Variants in KAZN observed in about 807,000 individuals in gnomAD.
The protein encoded by KAZN is kazrin.
Under a neutral mutation model 87.4 loss-of-function variants are expected in KAZN, and 40 were observed. That is an observed-to-expected ratio of 0.46 (90% confidence interval 0.36 to 0.60). The LOEUF (loss-of-function observed/expected upper bound fraction) is 0.60, where lower values mean the gene tolerates loss of function less well. Among genes scored for constraint, KAZN ranks in the 20% least tolerant of loss-of-function variants. The probability of loss-of-function intolerance (pLI) is 0.00; values close to 1 mark genes in which losing one functional copy is unlikely to be tolerated. For synonymous variants in KAZN, 466 were observed against 458.3 expected (o/e 1.02, Z -0.22); for missense variants, 898 against 1,073.9 (o/e 0.84, Z 2.29).
intron 1 of KAZN, among the ~76,000 whole-genome samples, chr1:14,079,711 C>T (rs1643599084): frequency 6.6e-6 from 1 of 152,188 alleles, no homozygotes; most frequent in Non-Finnish European, 1.5e-5. Context: ...TGGGTAAATG[C>T]TGGGTACAGC....
At chr1:14,588,547 T>G (rs1322753291) in intron 2 of KAZN, among the ~76,000 whole-genome samples, 2 of 152,220 alleles carry the variant, frequency 1.3e-5, no homozygotes, top group Non-Finnish European at 2.9e-5. Context: ...GTGCCAGAGC[T>G]CCATCCTCTG....
chr1:14,449,017 T>G (rs545050319), intron 2 of KAZN, among the ~76,000 whole-genome samples: 1 of 152,336 alleles, frequency 6.6e-6, no homozygotes, highest in South Asian at 2.1e-4. Context: ...TGATCTGCAT[T>G]GAAGACTTCT....
chr1:15,095,031 C>T, intron 10 of KAZN, 98 bp downstream of exon 10: 1 of 816,464 alleles, frequency 1.2e-6, no homozygotes, highest in Non-Finnish European at 2.0e-6. Flanking sequence ...TGGGCTGAAC[C>T]AGGTGGTGGG....
chr1:15,013,056 A>G (rs1048575594), intron 2 of KAZN, among the ~76,000 whole-genome samples: 11 of 152,194 alleles, frequency 7.2e-5, no homozygotes, highest in African/African-American at 2.7e-4. Context: ...AGTTTAGCTA[A>G]GCTCAGGCAA....
intron 1 of KAZN, among the ~76,000 whole-genome samples, chr1:14,133,428 A>C (rs1645041126): frequency 6.7e-6 from 1 of 149,318 alleles, no homozygotes; most frequent in African/African-American, 2.5e-5. Context: ...AAAGAAAGAA[A>C]GAAAGAAAGA....
At chr1:14,339,926 A>G (rs1291962654) in intron 2 of KAZN, among the ~76,000 whole-genome samples, 2 of 152,092 alleles carry the variant, frequency 1.3e-5, no homozygotes, top group Non-Finnish European at 2.9e-5. Context: ...TTAACAAAAC[A>G]CCACCCAATT....
intron 1 of KAZN, among the ~76,000 whole-genome samples, chr1:14,090,843 G>A (rs1320305063): frequency 6.6e-6 from 1 of 152,156 alleles, no homozygotes; most frequent in Non-Finnish European, 1.5e-5. Context: ...GCCGGGTGCG[G>A]TGGCTCAGGC....
intron 1 of KAZN, among the ~76,000 whole-genome samples, chr1:14,625,251 G>C (rs1047079747): frequency 1.3e-5 from 2 of 152,102 alleles, no homozygotes; most frequent in Admixed American, 6.6e-5. Flanking sequence ...AGTTCAGAGG[G>C]TAATACCATT....
intron 2 of KAZN, among the ~76,000 whole-genome samples, chr1:14,339,084 G>A (rs890613102): frequency 2.6e-5 from 4 of 151,984 alleles, no homozygotes; most frequent in Middle Eastern, 3.2e-3. Context: ...AAGATCAGAC[G>A]TAACAGAGAG....
At chr1:14,011,441 A>G (rs1640307968) in intron 1 of KAZN, among the ~76,000 whole-genome samples, 1 of 152,100 alleles carries the variant, frequency 6.6e-6, no homozygotes, top group Non-Finnish European at 1.5e-5. Flanking sequence ...GACAAAAACC[A>G]CCATGCACTG....
intron 1 of KAZN, among the ~76,000 whole-genome samples, chr1:14,634,540 G>A (rs1393009453): frequency 2.0e-5 from 3 of 152,202 alleles, no homozygotes; most frequent in Non-Finnish European, 4.4e-5. Context: ...CAATACAATA[G>A]CATGGAGTAG....
chr1:14,798,334 G>A (rs543189031), intron 1 of KAZN, among the ~76,000 whole-genome samples: 1 of 151,506 alleles, frequency 6.6e-6, no homozygotes, highest in South Asian at 2.1e-4. Flanking sequence ...ACTTGAAAAT[G>A]TCAGTCAGTA....
chr1:14,924,643 G>T, intron 1 of KAZN: 1 of 878,950 alleles, frequency 1.1e-6, no homozygotes, highest in Non-Finnish European at 1.4e-6. Context: ...GGCCGGGCGC[G>T]CGAGGGCGCT....
chr1:13,923,328 C>T (rs1323324258), intron 1 of KAZN, among the ~76,000 whole-genome samples: 2 of 151,948 alleles, frequency 1.3e-5, no homozygotes, highest in Non-Finnish European at 2.9e-5. Flanking sequence ...AATCCCAGCA[C>T]TTTGGGAGGC....
At chr1:15,020,395 T>A (rs6657768) in intron 2 of KAZN, among the ~76,000 whole-genome samples, 46,520 of 152,092 alleles carry the variant, frequency 0.31, 8,191 homozygotes, top group African/African-American at 0.49. Context: ...TAGGACCTCA[T>A]TCGCTTCCCA....
intron 1 of KAZN, among the ~76,000 whole-genome samples, chr1:13,904,338 C>T (rs2100847681): frequency 6.6e-6 from 1 of 152,232 alleles, no homozygotes; most frequent in East Asian, 1.9e-4. Flanking sequence ...ACCCTGTGGC[C>T]TGTTAAGCAG....
chr1:13,999,558 T>C (rs1639688443), intron 1 of KAZN, among the ~76,000 whole-genome samples: 1 of 152,062 alleles, frequency 6.6e-6, no homozygotes. Context: ...GCTAAAGCAG[T>C]GTTAAGAGGG....
In KAZN at chr1:14,339,401, A is replaced by T. The variant is rs537531282; in HGVS notation, c.249+158809A>T. 3.3e-5 allele frequency among the ~76,000 whole-genome samples: 5 copies of T among 152,344 alleles called. No homozygotes were observed. In the South Asian group the frequency reaches 1.0e-3, roughly 32 times the overall value. On this transcript the variant is annotated intron_variant, in intron 2 of 16. Coordinates refer to the KAZN transcript ENST00000636203. ...AATCAAATGGGTGGAACAGAGCATT[A>T]GTCAGAGTTCTCCAGAGAAACAGAA...
intron 1 of KAZN, among the ~76,000 whole-genome samples, chr1:14,612,055 G>A (rs527443966): frequency 3.5e-4 from 54 of 152,240 alleles, no homozygotes; most frequent in Non-Finnish European, 6.3e-4. Flanking sequence ...TGTATTAATC[G>A]TTCTCGTTTA....
Sources: allele counts gnomAD v4.1 joint callset (sites outside exome capture counted in the v4.1 genomes callset), GRCh38; gene constraint gnomAD v4.1.1; transcripts MANE v1.5; gene names NCBI Gene and HGNC (gene_info 2026-07-23, HGNC 2026-07-21).